The following CNTNAP3B variants were observed in gnomAD, a reference collection of about 807,000 sequenced individuals.
CNTNAP3B encodes the protein contactin associated protein family member 3B.
Under a neutral mutation model 108.9 loss-of-function variants are expected in CNTNAP3B, and 25 were observed. That is an observed-to-expected ratio of 0.23 (90% CI 0.17 to 0.32). The LOEUF is 0.32. Ranked by LOEUF, CNTNAP3B falls within the 10% of genes least tolerant of loss-of-function variation. The pLI, the probability that CNTNAP3B is intolerant of heterozygous loss-of-function variation, is 1.00. For synonymous variants in CNTNAP3B, 103 were observed against 473.4 expected (o/e 0.22, Z 10.16); for missense variants, 252 against 1,210.4 (o/e 0.21, Z 11.75).
At chr9:41,943,477 C>T (rs1454203287) in intron 13 of CNTNAP3B, among the ~76,000 whole-genome samples, 18 of 151,856 alleles carry the variant, frequency 1.2e-4, no homozygotes, top group African/African-American at 3.6e-4. Flanking sequence ...CTCAGCCTCC[C>T]GAGTAGCTGG....
rs1442765899 is a variant in CNTNAP3B at position 41,972,576 on chromosome 9, C to T, written c.1478-2331G>A. The stretch of plus-strand genomic sequence containing the variant: ...TTAGATCCCTAAAGTAAAAGCCTCC[C>T]TCATATTAAGGCTTCTTTTTAGCTT... On this transcript the variant is annotated intron_variant, in intron 9 of 23. Transcript: ENST00000377561. Among the ~76,000 whole-genome samples, 7 of 138,782 alleles carry T rather than the reference C, an allele frequency of 5.0e-5. 1 individual carries two copies. The highest frequency in any genetic ancestry group is 1.4e-4 in the Admixed American group (2 of 13,912). The allele number at this position is 138,782 out of a possible 152,430, so 91.0% of individuals were successfully genotyped here.
At chr9:41,963,752 G>A (rs1436852032) in intron 11 of CNTNAP3B, among the ~76,000 whole-genome samples, 1 of 151,394 alleles carries the variant, frequency 6.6e-6, no homozygotes, top group Non-Finnish European at 1.5e-5. Flanking sequence ...AGGCTGTGGA[G>A]CCAACCTCCT....
At chr9:42,029,495 T>A (rs1182839272) in intron 3 of CNTNAP3B, among the ~76,000 whole-genome samples, 2 of 123,540 alleles carry the variant, frequency 1.6e-5, no homozygotes, top group African/African-American at 3.4e-5. Context: ...AAAATAAATG[T>A]ATTAATAAAC....
rs1189570642 is a variant in CNTNAP3B, at chr9:41,983,060, G to A, written c.1477+3108C>T. Among the ~76,000 whole-genome samples the A allele has an allele frequency of 4.1e-5, 5 of 122,810 alleles. 1 individual carries two copies. 80.6% of individuals were successfully genotyped at this position (122,810 alleles called of 152,430 possible). A position where few individuals can be genotyped will look rare whatever the true frequency, so the allele number is the denominator to read the frequency against. On this transcript the variant is annotated intron_variant, in intron 9 of 23. Coordinates refer to ENST00000377561, the MANE Select transcript of CNTNAP3B (RefSeq NM_001201380.3). ...ACTTGAGGGTGGAGGGTGGGAGGAG[G>A]GTGAAGATCGAAAAACTACCTACTA...
intron 13 of CNTNAP3B, among the ~76,000 whole-genome samples, chr9:41,940,684 G>A (rs1231649598): frequency 6.6e-6 from 1 of 152,128 alleles, no homozygotes; most frequent in Non-Finnish European, 1.5e-5. Context: ...GCGTAGCGGC[G>A]GGAGCCTGTA....
chr9:41,958,971 G>T (rs1824966170), intron 12 of CNTNAP3B, among the ~76,000 whole-genome samples: 2 of 139,618 alleles, frequency 1.4e-5, no homozygotes, highest in African/African-American at 5.7e-5. Context: ...TCTCAGATGT[G>T]TCCACATCAA....
At chr9:42,124,295 T>C (rs1269333526) in intron 1 of CNTNAP3B, among the ~76,000 whole-genome samples, 1 of 131,294 alleles carries the variant, frequency 7.6e-6, no homozygotes, top group Non-Finnish European at 1.6e-5. Flanking sequence ...AGAGTAGTCA[T>C]TTCATTATAA....
At chr9:42,116,371 A>G (rs1458836286) in intron 1 of CNTNAP3B, among the ~76,000 whole-genome samples, 4 of 127,642 alleles carry the variant, frequency 3.1e-5, no homozygotes, top group South Asian at 2.6e-4. Context: ...CCAATATTCA[A>G]CATTCTTAAA....
intron 3 of CNTNAP3B, among the ~76,000 whole-genome samples, chr9:42,034,218 C>CTATCTATCTATCTATCT (rs1587216467): frequency 2.2e-5 from 3 of 135,554 alleles, no homozygotes; most frequent in South Asian, 2.4e-4. Flanking sequence ...ATCTATTTCT[C>CTATCTATCTATCTATCT]ATCTATACAT....
intron 15 of CNTNAP3B, among the ~76,000 whole-genome samples, chr9:41,928,591 G>T (rs1403420498): frequency 6.6e-6 from 1 of 152,294 alleles, no homozygotes; most frequent in Non-Finnish European, 1.5e-5. Context: ...AGAGGCTCAG[G>T]CTCCTTGTTG....
chr9:42,071,842 C>T (rs575600411), intron 3 of CNTNAP3B, among the ~76,000 whole-genome samples: 34 of 149,026 alleles, frequency 2.3e-4, no homozygotes, highest in South Asian at 1.7e-3. Flanking sequence ...GGTAACTCCA[C>T]GCATATTGGC....
intron 15 of CNTNAP3B, among the ~76,000 whole-genome samples, chr9:41,925,488 G>C (rs1315532951): frequency 6.6e-6 from 1 of 152,260 alleles, no homozygotes; most frequent in African/African-American, 2.4e-5. Context: ...AGCTAGTCGG[G>C]AGGCTGAGGC....
At chr9:41,935,464 A>G (rs1265316149) in intron 14 of CNTNAP3B, among the ~76,000 whole-genome samples, 1 of 152,290 alleles carries the variant, frequency 6.6e-6, no homozygotes, top group Non-Finnish European at 1.5e-5. Context: ...ATAAGTAATA[A>G]AGACTAAGAT....
chr9:42,102,956 A>G, intron 2 of CNTNAP3B, among the ~76,000 whole-genome samples: 1 of 96,026 alleles, frequency 1.0e-5, no homozygotes, highest in East Asian at 3.5e-4. Context: ...TTCTAACTTC[A>G]TTAACATGAA....
chr9:41,954,965 T>C (rs1287198704), intron 12 of CNTNAP3B, among the ~76,000 whole-genome samples: 1 of 151,812 alleles, frequency 6.6e-6, no homozygotes, highest in Non-Finnish European at 1.5e-5. Flanking sequence ...GGATTACAGG[T>C]GTGAGCCACC....
chr9:42,035,922 A>G lies in CNTNAP3B; in HGVS notation c.391-22397T>C, dbSNP rs544033022. ...TCGGAGTTCGAGCCCAGCCTGGCCA[A>G]TATGGTGAAACCACATCTCTACTAA... On this transcript the variant is annotated intron_variant, in intron 3 of 23. Coordinates refer to ENST00000377561, the MANE Select transcript of CNTNAP3B (RefSeq NM_001201380.3). Among the ~76,000 whole-genome samples the G allele has an allele frequency of 7.1e-5, 10 of 140,664 alleles. 3 individuals are homozygous for G. The East Asian group carries it at 2.2e-3, about 31-fold the overall frequency. The allele number at this position is 140,664 out of a possible 152,430, so 92.3% of individuals were successfully genotyped here.
chr9:41,958,703 C>CA (rs530960263), intron 12 of CNTNAP3B, among the ~76,000 whole-genome samples: 6 of 132,844 alleles, frequency 4.5e-5, no homozygotes, highest in Admixed American at 7.5e-5. Flanking sequence ...GCTCTGAAAA[C>CA]AAAAAACAAA....
At chr9:42,036,522 C>T (rs1194263126) in intron 3 of CNTNAP3B, among the ~76,000 whole-genome samples, 1 of 136,356 alleles carries the variant, frequency 7.3e-6, no homozygotes, top group Non-Finnish European at 1.6e-5. Flanking sequence ...ATTGCTGAGG[C>T]TTGAGTAGGT....
At chr9:41,983,972 CCT>C (rs1294990510) in intron 9 of CNTNAP3B, among the ~76,000 whole-genome samples, 1 of 99,548 alleles carries the variant, frequency 1.0e-5, no homozygotes, top group Admixed American at 1.1e-4. Context: ...ATGGCGTGAA[CCT>C]GGCGGTGCAG....
Sources: gnomAD v4.1 joint callset for allele counts (sites outside exome capture counted in the v4.1 genomes callset) on GRCh38, gnomAD v4.1.1 for gene constraint, MANE v1.5 for transcripts, NCBI Gene and HGNC (gene_info 2026-07-23, HGNC 2026-07-21) for gene names.